CCDC150: variants seen among roughly 807,000 people sequenced by gnomAD.
The protein encoded by CCDC150 is coiled-coil domain-containing protein 150.
A neutral mutation model predicts 156.5 loss-of-function variants in CCDC150; 151 were observed. The observed-to-expected ratio is 0.97, with a 90% CI of 0.85 to 1.10. CCDC150 has a LOEUF of 1.10. Among genes scored for constraint, CCDC150 ranks in the 50% least tolerant of loss-of-function variants. The pLI is 0.00. For synonymous variants in CCDC150, 452 were observed against 429.4 expected (o/e 1.05, Z -0.65); for missense variants, 1,312 against 1,268.1 (o/e 1.03, Z -0.53).
At chr2:196,728,545 T>C (rs1446400779) in intron 22 of CCDC150, among the ~76,000 whole-genome samples, 1 of 152,204 alleles carries the variant, frequency 6.6e-6, no homozygotes, top group Non-Finnish European at 1.5e-5. Context: ...ATTATTTAAG[T>C]AACTACTATG....
intron 12 of CCDC150, 94 bp from the exon 13 acceptor site, chr2:196,677,199 A>G: frequency 1.2e-6 from 1 of 801,976 alleles, no homozygotes; most frequent in Non-Finnish European, 2.2e-6. Flanking sequence ...CAGTGTAGGT[A>G]TTAATTGACA....
chr2:196,726,021 AC>A lies in CCDC150; in HGVS notation c.2479del (p.Arg827AlafsTer2). 1.2e-6 allele frequency: 2 copies of A among 1,608,532 alleles called. No homozygotes were observed. The highest frequency in any genetic ancestry group is 1.7e-6 in the Non-Finnish European group (2 of 1,177,296). On this transcript the variant is annotated frameshift_variant, in exon 22 of 28. Coordinates refer to ENST00000389175, the MANE Select transcript of CCDC150 (RefSeq NM_001080539.2). LOFTEE classifies it high-confidence loss of function. ...SKVEAELHAE[R>X]IEALRKQFQT... is the part of the protein sequence containing the mutation. The stretch of plus-strand genomic sequence containing the variant: ...AAGTGGAAGCAGAATTGCATGCTGA[AC>A]GCATAGAAGCTCTAAGAAAGCAGTT...
Position 196,676,668 on chromosome 2 carries a change from A to T in CCDC150, c.1377A>T (p.Glu459Asp), listed in dbSNP as rs200449907. The T allele has an allele frequency of 2.7e-5, 43 of 1,613,768 alleles. No homozygotes were observed. The African/African-American group carries it at 5.1e-4, about 19-fold the overall frequency. Residue 459 changes from glutamate to aspartate, a missense_variant, in exon 12 of 28, where the codon GAA becomes GAT. Glu to Asp is a conservative substitution (Grantham distance 45). Coordinates refer to ENST00000389175, the MANE Select transcript of CCDC150 (RefSeq NM_001080539.2). The stretch of plus-strand genomic sequence containing the variant: ...CAACTATTGCAAGATTGCGAGGTGA[A>T]TTGGAAGCATCAATGCAAGAGAAGA... ...LESTIARLRG[E>D]LEASMQEKKS...
intron 18 of CCDC150, 97 bp downstream of exon 18, chr2:196,718,728 A>G: frequency 6.8e-7 from 1 of 1,461,464 alleles, no homozygotes; most frequent in Non-Finnish European, 9.1e-7. Context: ...TTCCATTAGA[A>G]TAAGGATTGA....
intron 11 of CCDC150, 32 bp downstream of exon 11, chr2:196,676,299 CT>C (rs1559234199): frequency 6.2e-7 from 1 of 1,609,140 alleles, no homozygotes. Flanking sequence ...TCTTATACAT[CT>C]TTTGTTCTTG....
At chr2:196,714,742 C>G (rs1362336279) in intron 17 of CCDC150, among the ~76,000 whole-genome samples, 1 of 152,210 alleles carries the variant, frequency 6.6e-6, no homozygotes, top group African/African-American at 2.4e-5. Flanking sequence ...TCCTGCCTCA[C>G]TACTATTTAG....
intron 21 of CCDC150, among the ~76,000 whole-genome samples, chr2:196,723,114 C>T (rs867202010): frequency 6.6e-6 from 1 of 152,162 alleles, no homozygotes; most frequent in South Asian, 2.1e-4. Flanking sequence ...TTTTGGAGAA[C>T]TTGCTGGGTT....
chr2:196,701,156 G>A lies in CCDC150; in HGVS notation c.1671G>A (p.Leu557=), dbSNP rs1575880638. ...AAATCACTGAAAGTAAAAATAAACT[G>A]GCCTATGAAAACGGAAAACTCCAGG... ...VEKITESKNK[L]AYENGKLQIK... The change falls in exon 15 of 28, where the codon CTG becomes CTA. Residue 557 remains leucine, a synonymous_variant. Transcript: ENST00000389175. The A allele has an allele frequency of 1.9e-6, 3 of 1,606,410 alleles. No homozygotes were observed. In the African/African-American group the frequency reaches 4.0e-5, roughly 22 times the overall value.
At chr2:196,726,173 G>T in intron 22 of CCDC150, 74 bp downstream of exon 22, 1 of 1,537,520 alleles carries the variant, frequency 6.5e-7, no homozygotes, top group Non-Finnish European at 8.9e-7. Context: ...TCAGAGAATG[G>T]CTACAGTTGT....
chr2:196,695,016 A>G, intron 13 of CCDC150, 30 bp from the exon 14 acceptor site: 2 of 1,170,462 alleles, frequency 1.7e-6, no homozygotes, highest in Admixed American at 2.1e-5. Flanking sequence ...TGGCGTAAAT[A>G]GTTTCTTTTT....
In CCDC150 at chr2:196,652,872, C is replaced by G. The variant is rs577866602; in HGVS notation, c.177-3761C>G. Among the ~76,000 whole-genome samples the G allele has an allele frequency of 3.3e-5, 5 of 152,362 alleles. No individual in the cohort carries two copies. The East Asian group carries it at 9.6e-4, about 29-fold the overall frequency. The stretch of plus-strand genomic sequence containing the variant: ...TTCATTCTTGCATTCTGCATGCCTG[C>G]AAGCTTAGCACCACATGGAAACTAC... On this transcript the variant is annotated intron_variant, in intron 2 of 27. Coordinates refer to ENST00000389175, the MANE Select transcript of CCDC150 (RefSeq NM_001080539.2).
intron 4 of CCDC150, among the ~76,000 whole-genome samples, chr2:196,658,272 C>T (rs1451066420): frequency 6.6e-6 from 1 of 151,742 alleles, no homozygotes; most frequent in Non-Finnish European, 1.5e-5. Flanking sequence ...AAGGTATGCT[C>T]GAATATGGTA....
At chr2:196,649,477 G>C (rs1692746170) in intron 2 of CCDC150, among the ~76,000 whole-genome samples, 1 of 152,132 alleles carries the variant, frequency 6.6e-6, no homozygotes, top group African/African-American at 2.4e-5. Flanking sequence ...GTTGCCCGCA[G>C]TATGCAATAT....
At chr2:196,709,718 A>G (rs1438742690) in intron 15 of CCDC150, among the ~76,000 whole-genome samples, 1 of 152,100 alleles carries the variant, frequency 6.6e-6, no homozygotes, top group Non-Finnish European at 1.5e-5. Context: ...GTTGATGTTG[A>G]TGCTATTCCT....
At chr2:196,698,307 G>A (rs1448166887) in intron 14 of CCDC150, among the ~76,000 whole-genome samples, 1 of 152,118 alleles carries the variant, frequency 6.6e-6, no homozygotes, top group Non-Finnish European at 1.5e-5. Flanking sequence ...ATCACATTTT[G>A]ATTTTGCTCA....
In CCDC150 at chr2:196,729,233, A is replaced by G; in HGVS notation, c.2597A>G (p.Glu866Gly). The G allele has an allele frequency of 9.9e-6, 16 of 1,613,870 alleles. No individual in the cohort carries two copies. Among genetic ancestry groups the G allele is most frequent in the Non-Finnish European group, 1.4e-5 (16 of 1,179,830 alleles). The change falls in exon 23 of 28, where the codon GAA becomes GGA. Residue 866 changes from glutamate to glycine, a missense_variant. Coordinates refer to ENST00000389175, the MANE Select transcript of CCDC150 (RefSeq NM_001080539.2). ...GATGAAGCTAACTTCAGATCAGTGG[A>G]AGTGTCCCGGACCAACCGAGAGCTG... Reference protein sequence around the residue: ...ALDEANFRSVEVSRTNRELRQ... With the variant: ...ALDEANFRSVGVSRTNRELRQ...
intron 17 of CCDC150, among the ~76,000 whole-genome samples, chr2:196,716,174 G>A (rs1412549006): frequency 6.6e-6 from 1 of 152,148 alleles, no homozygotes; most frequent in African/African-American, 2.4e-5. Flanking sequence ...CCTATTATGG[G>A]TACAGCCACT....
chr2:196,648,721 TC>T (rs975938466), intron 2 of CCDC150, among the ~76,000 whole-genome samples: 1 of 152,224 alleles, frequency 6.6e-6, no homozygotes, highest in Non-Finnish European at 1.5e-5. Context: ...GAGACCAATG[TC>T]AAAGAGGTTT....
chr2:196,664,260 C>A (rs931189278), intron 5 of CCDC150, among the ~76,000 whole-genome samples: 7 of 152,176 alleles, frequency 4.6e-5, no homozygotes, highest in African/African-American at 1.4e-4. Flanking sequence ...AGGACTCAGT[C>A]TCACAAGATT....
Sources: gnomAD v4.1 joint callset for allele counts (sites outside exome capture counted in the v4.1 genomes callset) on GRCh38, gnomAD v4.1.1 for gene constraint, MANE v1.5 for transcripts, NCBI Gene and HGNC (gene_info 2026-07-23, HGNC 2026-07-21) for gene names.